The following MAGI2 variants were observed in gnomAD, a reference collection of about 807,000 sequenced individuals.
MAGI2 encodes membrane associated guanylate kinase, WW and PDZ domain containing 2.
A neutral mutation model predicts 133.3 loss-of-function variants in MAGI2; 35 were observed. That is an observed-to-expected ratio of 0.26 (90% CI 0.20 to 0.35). The LOEUF is 0.35. Among genes scored for constraint, MAGI2 ranks in the 10% least tolerant of loss-of-function variants. MAGI2 has a pLI of 1.00. For synonymous variants in MAGI2, 729 were observed against 710.6 expected (o/e 1.03, Z -0.41); for missense variants, 1,636 against 1,863.4 (o/e 0.88, Z 2.25).
At chr7:78,702,194 T>A (rs755999610) in intron 2 of MAGI2, among the ~76,000 whole-genome samples, 1 of 152,012 alleles carries the variant, frequency 6.6e-6, no homozygotes, top group Non-Finnish European at 1.5e-5. Flanking sequence ...ATTATTCATT[T>A]GCCAAAGTTT....
intron 3 of MAGI2, among the ~76,000 whole-genome samples, chr7:78,541,161 G>T (rs985986024): frequency 3.3e-5 from 5 of 152,204 alleles, no homozygotes; most frequent in Middle Eastern, 6.8e-3. Context: ...TTTATGAGAT[G>T]CTGTGGGCTG....
chr7:79,235,843 T>G (rs1221141520), intron 1 of MAGI2, among the ~76,000 whole-genome samples: 7 of 152,230 alleles, frequency 4.6e-5, no homozygotes, highest in Non-Finnish European at 7.3e-5. Context: ...TTGCCTTACC[T>G]TTGGAAACAC....
intron 6 of MAGI2, among the ~76,000 whole-genome samples, chr7:78,438,314 T>C (rs749410792): frequency 1.3e-4 from 19 of 151,956 alleles, no homozygotes; most frequent in Non-Finnish European, 2.8e-4. Context: ...CCTTGAGATA[T>C]GAATTTTTTA....
chr7:78,577,781 G>A (rs908025167), intron 3 of MAGI2, among the ~76,000 whole-genome samples: 1 of 152,082 alleles, frequency 6.6e-6, no homozygotes, highest in African/African-American at 2.4e-5. Context: ...CACTTCTTTT[G>A]TGGTGGAATG....
chr7:78,141,585 G>C (rs1822758144), intron 16 of MAGI2, among the ~76,000 whole-genome samples: 1 of 152,156 alleles, frequency 6.6e-6, no homozygotes, highest in Admixed American at 6.5e-5. Context: ...CTAGAACGCT[G>C]TGAAATTTAG....
At chr7:78,229,130 A>G (rs1303568865) in intron 10 of MAGI2, among the ~76,000 whole-genome samples, 1 of 152,242 alleles carries the variant, frequency 6.6e-6, no homozygotes, top group African/African-American at 2.4e-5. Flanking sequence ...AACTCAAAAG[A>G]AATGGATGAG....
At chr7:78,872,662 A>G (rs988938538) in intron 2 of MAGI2, among the ~76,000 whole-genome samples, 9 of 151,788 alleles carry the variant, frequency 5.9e-5, no homozygotes, top group African/African-American at 2.2e-4. Flanking sequence ...ACTGATCAAC[A>G]GTTTTTATTT....
At chr7:78,361,974 G>A (rs1000488470) in intron 7 of MAGI2, among the ~76,000 whole-genome samples, 1 of 152,134 alleles carries the variant, frequency 6.6e-6, no homozygotes, top group Non-Finnish European at 1.5e-5. Context: ...CTGGACGGGA[G>A]ACTTCTTTTC....
chr7:79,123,840 T>C (rs967279021), intron 1 of MAGI2, among the ~76,000 whole-genome samples: 24 of 149,464 alleles, frequency 1.6e-4, no homozygotes, highest in Admixed American at 2.7e-4. Flanking sequence ...TATTTCATCA[T>C]CTGTAACGTG....
intron 9 of MAGI2, among the ~76,000 whole-genome samples, chr7:78,336,372 C>T (rs1464892239): frequency 6.6e-6 from 1 of 152,152 alleles, no homozygotes; most frequent in South Asian, 2.1e-4. Context: ...GAGGTAGCGA[C>T]CACTGAAAGA....
At chr7:78,566,634 G>T (rs928490841) in intron 3 of MAGI2, among the ~76,000 whole-genome samples, 1 of 151,604 alleles carries the variant, frequency 6.6e-6, no homozygotes. Context: ...ACATTAGCAA[G>T]CTATGTGTAG....
chr7:79,121,814 G>A (rs907486747), intron 1 of MAGI2, among the ~76,000 whole-genome samples: 9 of 151,774 alleles, frequency 5.9e-5, no homozygotes, highest in Non-Finnish European at 2.9e-5. Flanking sequence ...TTTGATTCTG[G>A]TTTCTCCTTA....
intron 2 of MAGI2, among the ~76,000 whole-genome samples, chr7:78,696,786 T>C (rs1032687426): frequency 2.0e-5 from 3 of 152,206 alleles, no homozygotes; most frequent in Non-Finnish European, 2.9e-5. Context: ...TCAGGATGTG[T>C]TGAGTGGTTT....
intron 9 of MAGI2, among the ~76,000 whole-genome samples, chr7:78,289,805 C>A (rs982604718): frequency 6.6e-6 from 1 of 152,142 alleles, no homozygotes; most frequent in African/African-American, 2.4e-5. Context: ...CAATATTCAA[C>A]ATTCTTAAAG....
chr7:79,385,174 T>C (rs188191627), intron 1 of MAGI2, among the ~76,000 whole-genome samples: 1 of 151,844 alleles, frequency 6.6e-6, no homozygotes, highest in Non-Finnish European at 1.5e-5. Context: ...GTGTAATAAA[T>C]GGAATGTTGT....
chr7:78,427,174 A>T (rs1290603044), intron 6 of MAGI2, among the ~76,000 whole-genome samples: 1 of 152,166 alleles, frequency 6.6e-6, no homozygotes, highest in East Asian at 1.9e-4. Flanking sequence ...AAATAGAGGA[A>T]AAAAGAAATA....
intron 2 of MAGI2, among the ~76,000 whole-genome samples, chr7:78,977,040 C>G (rs1229933900): frequency 6.6e-6 from 1 of 151,546 alleles, no homozygotes; most frequent in Non-Finnish European, 1.5e-5. Context: ...AAATCCAAAG[C>G]AATTCTAATT....
chr7:78,500,675 C>G (rs1794541703), intron 5 of MAGI2, among the ~76,000 whole-genome samples: 1 of 152,120 alleles, frequency 6.6e-6, no homozygotes, highest in Non-Finnish European at 1.5e-5. Flanking sequence ...CTACAGTTTC[C>G]TTAGCAAGTC....
chr7:78,331,290 A>C (rs1387528262), intron 9 of MAGI2, among the ~76,000 whole-genome samples: 1 of 151,708 alleles, frequency 6.6e-6, no homozygotes, highest in Non-Finnish European at 1.5e-5. Context: ...GATCATGCAT[A>C]CCCCAAACCT....
Sources: gnomAD v4.1 joint callset for allele counts (sites outside exome capture counted in the v4.1 genomes callset) on GRCh38, gnomAD v4.1.1 for gene constraint, MANE v1.5 for transcripts, NCBI Gene and HGNC (gene_info 2026-07-23, HGNC 2026-07-21) for gene names.